TACC2: variants seen among roughly 807,000 people sequenced by gnomAD.
TACC2 encodes the protein transforming acidic coiled-coil containing protein 2.
TACC2 carries 137 observed loss-of-function variants against 227.3 expected under a neutral mutation model. That is an observed-to-expected ratio of 0.60 (90% confidence interval 0.52 to 0.69). TACC2 has a LOEUF of 0.69. Ranked by LOEUF, TACC2 falls within the 30% of genes least tolerant of loss-of-function variation. TACC2 has a pLI of 0.00. For synonymous variants in TACC2, 1,523 were observed against 1,487.5 expected (o/e 1.02, Z -0.55); for missense variants, 3,470 against 3,694.4 (o/e 0.94, Z 1.57).
At chr10:122,169,621 T>C (rs534516883) in intron 7 of TACC2, among the ~76,000 whole-genome samples, 2 of 152,366 alleles carry the variant, frequency 1.3e-5, no homozygotes, top group South Asian at 2.1e-4. Context: ...CTCAGACTTA[T>C]GTCCCCTTTG....
intron 9 of TACC2, among the ~76,000 whole-genome samples, chr10:122,213,793 CG>C (rs1401360910): frequency 6.6e-6 from 1 of 152,176 alleles, no homozygotes; most frequent in Non-Finnish European, 1.5e-5. Context: ...CCACAGGCAG[CG>C]ACGGCCACAG....
chr10:122,019,439 G>A (rs548903458), intron 1 of TACC2, among the ~76,000 whole-genome samples: 6 of 152,332 alleles, frequency 3.9e-5, no homozygotes, highest in African/African-American at 1.2e-4. Flanking sequence ...GTTTGTTCCC[G>A]GCCCGACTGC....
At chr10:122,162,739 G>A (rs2092898339) in intron 7 of TACC2, among the ~76,000 whole-genome samples, 1 of 152,176 alleles carries the variant, frequency 6.6e-6, no homozygotes. Context: ...GAATGGGGCT[G>A]ACTGGGCACT....
chr10:122,077,791 G>A (rs913769642), intron 3 of TACC2, among the ~76,000 whole-genome samples: 2 of 152,216 alleles, frequency 1.3e-5, no homozygotes, highest in African/African-American at 4.8e-5. Context: ...TGCGTTACCG[G>A]CTCTTTGACC....
rs563429961 is a variant in TACC2 at position 122,039,962 on chromosome 10, G to C, written c.34-10476G>C. Among the ~76,000 whole-genome samples, 4 of 142,350 alleles carry C rather than the reference G, an allele frequency of 2.8e-5. No individual in the cohort carries two copies. The South Asian group carries it at 9.1e-4, about 32-fold the overall frequency. The allele number at this position is 142,350 out of a possible 152,430, so 93.4% of individuals were successfully genotyped here. Reference sequence around the variant, plus strand: ...AATTGGAGGTTCCTCTTACTGAGCTGGGGCCATGGAGCCTCAGCCCAGCCC... The same window carrying C: ...AATTGGAGGTTCCTCTTACTGAGCTCGGGCCATGGAGCCTCAGCCCAGCCC... On this transcript the variant is annotated intron_variant, in intron 2 of 22. Coordinates refer to ENST00000369005, the MANE Select transcript of TACC2 (RefSeq NM_206862.4).
At chr10:122,120,855 TC>T (rs531944532) in intron 5 of TACC2, among the ~76,000 whole-genome samples, 65 of 152,254 alleles carry the variant, frequency 4.3e-4, no homozygotes, top group African/African-American at 1.4e-3. Flanking sequence ...AACCTCCGCT[TC>T]CCGGGTTCAA....
chr10:122,049,822 C>G (rs1054659611), intron 2 of TACC2, among the ~76,000 whole-genome samples: 2 of 151,582 alleles, frequency 1.3e-5, no homozygotes, highest in African/African-American at 2.4e-5. Context: ...TAAAAATCAA[C>G]TAGTCTGTAG....
At chr10:122,208,288 T>C (rs2140981702) in intron 8 of TACC2, among the ~76,000 whole-genome samples, 1 of 152,274 alleles carries the variant, frequency 6.6e-6, no homozygotes, top group African/African-American at 2.4e-5. Context: ...TGTAAGAAAG[T>C]GTGACCAGTC....
intron 3 of TACC2, among the ~76,000 whole-genome samples, chr10:122,074,205 T>C (rs1482660986): frequency 6.6e-6 from 1 of 151,672 alleles, no homozygotes; most frequent in Non-Finnish European, 1.5e-5. Context: ...CTCAGCCTCC[T>C]GAGTAGCTGG....
At chr10:122,241,930 C>T (rs1344037463) in intron 18 of TACC2, 28 bp from the exon 19 acceptor site, 1 of 1,611,094 alleles carries the variant, frequency 6.2e-7, no homozygotes. Context: ...GTTGTCATGA[C>T]TCCAACGTGT....
At chr10:122,026,194 G>T (rs1476491319) in intron 2 of TACC2, among the ~76,000 whole-genome samples, 4 of 150,916 alleles carry the variant, frequency 2.7e-5, no homozygotes, top group South Asian at 2.1e-4. Flanking sequence ...CGGGCATGGT[G>T]GGGGGCATCT....
In TACC2 at chr10:122,202,875, T is replaced by G. The variant is rs199789481; in HGVS notation, c.5972-7522T>G. Among the ~76,000 whole-genome samples, 231 of 151,216 alleles carry G rather than the reference T, an allele frequency of 1.5e-3. 1 individual carries two copies. Among genetic ancestry groups the G allele is most frequent in the East Asian group, 0.015 (78 of 5,124 alleles). On this transcript the variant is annotated intron_variant, in intron 8 of 22. Coordinates refer to ENST00000369005, the MANE Select transcript of TACC2 (RefSeq NM_206862.4). Reference sequence around the variant, plus strand: ...TGGTGATGACTCTTAAGGAGCATGCTGCCTTCAAGCATCTGTTTAACAAAG... The same window carrying G: ...TGGTGATGACTCTTAAGGAGCATGCGGCCTTCAAGCATCTGTTTAACAAAG...
intron 7 of TACC2, among the ~76,000 whole-genome samples, chr10:122,156,822 G>A (rs1050001314): frequency 2.0e-5 from 3 of 152,208 alleles, no homozygotes; most frequent in Admixed American, 1.3e-4. Flanking sequence ...GACTGCCAAA[G>A]ACTAGACTTG....
At chr10:122,020,597 A>G (rs1957213289) in intron 1 of TACC2, among the ~76,000 whole-genome samples, 1 of 152,194 alleles carries the variant, frequency 6.6e-6, no homozygotes, top group Non-Finnish European at 1.5e-5. Flanking sequence ...AGGAAACGCT[A>G]TGATGAAAAC....
Position 122,210,470 on chromosome 10 carries a change from C to T in TACC2, c.6045C>T (p.Pro2015=), listed in dbSNP as rs1291747880. 1 of 1,614,100 alleles carries T rather than the reference C, an allele frequency of 6.2e-7. No homozygotes were observed. Among genetic ancestry groups the T allele is most frequent in the African/African-American group, 1.3e-5 (1 of 75,046 alleles). The part of the protein sequence containing the change: ...SDSVEGSPFR[P]PSHSFSAVFD... ...CGGTGGAAGGAAGTCCCTTCCGTCCCCCGTCACACTCCTTCTCTGCCGTCT... is the reference window on the plus strand; with the variant it reads ...CGGTGGAAGGAAGTCCCTTCCGTCCTCCGTCACACTCCTTCTCTGCCGTCT... Residue 2015 remains proline, a synonymous_variant, in exon 9 of 23, where the codon CCC becomes CCT. Transcript: ENST00000369005. The surrounding 1 kb of genome is among the most constrained non-coding windows in gnomAD (Gnocchi z 4.6).
intron 3 of TACC2, among the ~76,000 whole-genome samples, chr10:122,063,336 G>C (rs1332857015): frequency 2.0e-5 from 3 of 152,204 alleles, no homozygotes; most frequent in African/African-American, 7.2e-5. Context: ...GTGTCGGGCA[G>C]AGCGCAGAGC....
At chr10:122,114,026 C>T (rs1238853650) in intron 5 of TACC2, among the ~76,000 whole-genome samples, 2 of 152,242 alleles carry the variant, frequency 1.3e-5, no homozygotes, top group Non-Finnish European at 2.9e-5. Flanking sequence ...TTGTTGCTAT[C>T]TTCAGGCTCT....
chr10:122,214,813 C>T (rs1037966060), intron 9 of TACC2, among the ~76,000 whole-genome samples: 21 of 152,162 alleles, frequency 1.4e-4, no homozygotes, highest in African/African-American at 4.8e-4. Flanking sequence ...CATCTCTCCC[C>T]TGGCCCTACC....
In TACC2 at chr10:122,249,171, C is replaced by CCCCCAGTGGCTAAA; in HGVS notation, c.8660+15_8660+16insCCCCAGTGGCTAAA. 1.9e-6 allele frequency: 3 copies of CCCCCAGTGGCTAAA among 1,591,148 alleles called. No homozygotes were observed. Among genetic ancestry groups the CCCCCAGTGGCTAAA allele is most frequent in the Non-Finnish European group, 2.6e-6 (3 of 1,166,780 alleles). On this transcript the variant is annotated intron_variant, in intron 21 of 22. Coordinates refer to ENST00000369005, the MANE Select transcript of TACC2 (RefSeq NM_206862.4). The stretch of plus-strand genomic sequence containing the variant: ...AAACTGGACAGGTAACATTTAGCCA[C>CCCCCAGTGGCTAAA]TGGGGGTGGCTCCCAGGGGCCTCCC...
Sources: allele counts gnomAD v4.1 joint callset (sites outside exome capture counted in the v4.1 genomes callset), GRCh38; gene constraint gnomAD v4.1.1; non-coding constraint Gnocchi (gnomAD v3.1); transcripts MANE v1.5; gene names NCBI Gene and HGNC (gene_info 2026-07-23, HGNC 2026-07-21).